The following USP8 variants were observed in gnomAD, a reference collection of about 807,000 sequenced individuals.
USP8 encodes ubiquitin carboxyl-terminal hydrolase 8.
Under a neutral mutation model 130.0 loss-of-function variants are expected in USP8, and 27 were observed. That is an observed-to-expected ratio of 0.21 (90% confidence interval 0.15 to 0.29). The LOEUF is 0.29. USP8 is among the 10% of genes least tolerant of loss of function. USP8 has a pLI of 1.00. For synonymous variants in USP8, 392 were observed against 444.1 expected (o/e 0.88, Z 1.48); for missense variants, 1,029 against 1,312.2 (o/e 0.78, Z 3.33).
chr15:50,494,413 G>T (rs910357426), intron 16 of USP8, 133 bp downstream of exon 16: 23 of 711,072 alleles, frequency 3.2e-5, no homozygotes, highest in Admixed American at 1.1e-4. Context: ...CTGTATAAGA[G>T]AATTATAAAA....
At chr15:50,441,318 C>T in intron 2 of USP8, 31 bp from the exon 3 acceptor site, 1 of 1,556,418 alleles carries the variant, frequency 6.4e-7, no homozygotes, top group Non-Finnish European at 8.6e-7. Flanking sequence ...ATGTCAATTG[C>T]TTTAATTATT....
intron 4 of USP8, among the ~76,000 whole-genome samples, chr15:50,455,794 G>A (rs1425460537): frequency 6.6e-6 from 1 of 152,104 alleles, no homozygotes; most frequent in Non-Finnish European, 1.5e-5. Context: ...AAACTTAGCT[G>A]GGCTCCTTAG....
rs1158746326 is a variant in USP8 at position 50,502,811 on chromosome 15, G to GA, written c.*3724dup. The GA allele has an allele frequency of 6.6e-6, 1 of 152,252 alleles. No individual in the cohort carries two copies. Among genetic ancestry groups the GA allele is most frequent in the Non-Finnish European group, 1.5e-5 (1 of 68,076 alleles). The allele number at this position is 152,252 out of a possible 1,614,324, so 9.4% of individuals were successfully genotyped here. On this transcript the variant is annotated 3_prime_UTR_variant, in exon 20 of 20. Transcript: ENST00000307179. ...CCATGTCCAGAATGAAAATGGATCT[G>GA]ACTAGTTAATTCCAACGTGAATTCG...
chr15:50,495,608 A>C (rs537623319), intron 16 of USP8, among the ~76,000 whole-genome samples: 2 of 151,894 alleles, frequency 1.3e-5, no homozygotes, highest in African/African-American at 2.4e-5. Context: ...GGCCCTTTTC[A>C]GCTTTTTAAA....
intron 12 of USP8, 100 bp downstream of exon 12, chr15:50,484,461 T>C (rs962742442): frequency 2.0e-6 from 2 of 991,388 alleles, no homozygotes; most frequent in East Asian, 2.6e-5. Context: ...TCATGAGATC[T>C]ACAGTGTAAG....
chr15:50,456,599 T>C (rs2050799451), intron 4 of USP8, among the ~76,000 whole-genome samples: 1 of 146,226 alleles, frequency 6.8e-6, no homozygotes, highest in Non-Finnish European at 1.5e-5. Flanking sequence ...AATTAACTGC[T>C]TAATGGCCGG....
Position 50,475,893 on chromosome 15 carries a change from G to A in USP8, c.850-956G>A, listed in dbSNP as rs141726541. Among the ~76,000 whole-genome samples the A allele has an allele frequency of 6.4e-3, 969 of 152,064 alleles. 14 individuals carry two copies. The highest frequency in any genetic ancestry group is 0.022 in the African/African-American group (933 of 41,482). On this transcript the variant is annotated intron_variant, in intron 8 of 19. Transcript: ENST00000307179. ...GCTGGGATTACAGGCATGAGCCACC[G>A]TGCCCGACCAATATATTTATATATA...
At chr15:50,447,833 G>A (rs1433123602) in intron 3 of USP8, among the ~76,000 whole-genome samples, 2 of 151,640 alleles carry the variant, frequency 1.3e-5, no homozygotes, top group Non-Finnish European at 2.9e-5. Context: ...AAACTCCTGG[G>A]CTCAAGCTAT....
intron 1 of USP8, among the ~76,000 whole-genome samples, chr15:50,436,110 A>G (rs1248675100): frequency 6.6e-6 from 1 of 151,862 alleles, no homozygotes. Flanking sequence ...TTACCTCCCT[A>G]CTTCAGAACC....
intron 1 of USP8, among the ~76,000 whole-genome samples, chr15:50,431,388 A>G (rs1490034609): frequency 6.6e-6 from 1 of 152,086 alleles, no homozygotes; most frequent in Non-Finnish European, 1.5e-5. Context: ...ACTGGCTTTT[A>G]TTGCCTGCTG....
chr15:50,451,394 G>A (rs2050625561), intron 4 of USP8, among the ~76,000 whole-genome samples: 1 of 152,162 alleles, frequency 6.6e-6, no homozygotes, highest in Non-Finnish European at 1.5e-5. Flanking sequence ...CTGGGCGACA[G>A]AGTGAGACTC....
Position 50,508,647 on chromosome 15 carries a change from A to G in USP8, c.*9559A>G, listed in dbSNP as rs987299591. 1.8e-4 allele frequency: 28 copies of G among 152,224 alleles called. No individual in the cohort carries two copies. The highest frequency in any genetic ancestry group is 6.8e-4 in the African/African-American group (28 of 41,456). 9.4% of individuals were successfully genotyped at this position (152,224 alleles called of 1,614,324 possible). Reference sequence around the variant, plus strand: ...AGGAATAACCCATAAAGCAGAAAACAAAGATGTAATACAGAAGATTTAAAA... The same window carrying G: ...AGGAATAACCCATAAAGCAGAAAACGAAGATGTAATACAGAAGATTTAAAA... On this transcript the variant is annotated 3_prime_UTR_variant, in exon 20 of 20. Transcript: ENST00000307179.
At chr15:50,488,865 GC>G (rs2052058132) in intron 12 of USP8, among the ~76,000 whole-genome samples, 1 of 151,772 alleles carries the variant, frequency 6.6e-6, no homozygotes, top group Non-Finnish European at 1.5e-5. Flanking sequence ...GAGCCACTGT[GC>G]CCGGCCAAAC....
intron 1 of USP8, among the ~76,000 whole-genome samples, chr15:50,428,577 T>C (rs1297606798): frequency 1.3e-5 from 2 of 149,298 alleles, no homozygotes; most frequent in East Asian, 4.1e-4. Context: ...ACTTATAAAT[T>C]AGTAACAAGA....
At chr15:50,438,793 C>T (rs1358562806) in intron 1 of USP8, among the ~76,000 whole-genome samples, 1 of 152,002 alleles carries the variant, frequency 6.6e-6, no homozygotes, top group Non-Finnish European at 1.5e-5. Flanking sequence ...CAAAATGATA[C>T]AAAAAGTAAT....
rs573207072 is a variant in USP8 at position 50,489,767 on chromosome 15, T to A, written c.1891-34T>A. On this transcript the variant is annotated intron_variant, in intron 12 of 19. Coordinates refer to ENST00000307179, the MANE Select transcript of USP8 (RefSeq NM_005154.5). ...TTGAAAAATCAGATTTAAAAAAAAT[T>A]TTTTTTTAATTTTTTTTATTTTATT... 3.0e-4 allele frequency: 400 copies of A among 1,346,406 alleles called. No homozygotes were observed. In the East Asian group the frequency reaches 3.5e-3, roughly 12 times the overall value. The allele number at this position is 1,346,406 out of a possible 1,614,324, so 83.4% of individuals were successfully genotyped here. A position where few individuals can be genotyped will look rare whatever the true frequency, so the allele number is the denominator to read the frequency against.
At chr15:50,497,879 C>T (rs1397762159) in intron 18 of USP8, among the ~76,000 whole-genome samples, 1 of 152,088 alleles carries the variant, frequency 6.6e-6, no homozygotes, top group Non-Finnish European at 1.5e-5. Context: ...GTCAAAAAAG[C>T]ATTTCTGTTA....
chr15:50,487,362 AAG>A (rs112249459), intron 12 of USP8, among the ~76,000 whole-genome samples: 35,433 of 149,738 alleles, frequency 0.24, 4,660 homozygotes, highest in Middle Eastern at 0.34. Flanking sequence ...AGAGAAAATG[AAG>A]AGAGAGAGAG....
chr15:50,424,589 C>T (rs1188733294), intron 1 of USP8, 75 bp downstream of exon 1: 2 of 398,048 alleles, frequency 5.0e-6, no homozygotes, highest in Non-Finnish European at 8.9e-6. Context: ...GCCTTTCCTT[C>T]CACCAGCTGC....
Sources: allele counts gnomAD v4.1 joint callset (sites outside exome capture counted in the v4.1 genomes callset), GRCh38; gene constraint gnomAD v4.1.1; transcripts MANE v1.5; gene names NCBI Gene and HGNC (gene_info 2026-07-23, HGNC 2026-07-21).